LINS1: variants seen among roughly 807,000 people sequenced by gnomAD.
The protein encoded by LINS1 is lines homolog 1, also known as protein Lines homolog 1.
LINS1 carries 27 observed loss-of-function variants against 41.6 expected under a neutral mutation model. That is an observed-to-expected ratio of 0.65 (90% CI 0.48 to 0.89). The LOEUF (loss-of-function observed/expected upper bound fraction) is 0.89, where lower values mean the gene tolerates loss of function less well. Ranked by LOEUF, LINS1 falls within the 40% of genes least tolerant of loss-of-function variation. The pLI is 0.00. For missense variants in LINS1, 955 were observed against 884.1 expected (o/e 1.08, Z -1.02); for synonymous variants, 336 against 312.9 (o/e 1.07, Z -0.78).
At chr15:100,575,708 C>T (rs2141287014) in intron 3 of LINS1, among the ~76,000 whole-genome samples, 1 of 152,328 alleles carries the variant, frequency 6.6e-6, no homozygotes, top group East Asian at 1.9e-4. Context: ...CAACCCAAAT[C>T]AACAGAATAT....
intron 1 of LINS1, among the ~76,000 whole-genome samples, chr15:100,600,551 C>CAAAAGAAAAAAAAA (rs2039436932): frequency 1.3e-5 from 1 of 79,674 alleles, no homozygotes; most frequent in Admixed American, 1.2e-4. Context: ...TGCTGTTAAG[C>CAAAAGAAAAAAAAA]AAAAAAAAAA....
chr15:100,569,430 A>G lies in LINS1; in HGVS notation c.2082T>C (p.Asp694=). 6.2e-7 allele frequency: 1 copy of G among 1,614,196 alleles called. No individual in the cohort carries two copies. Among genetic ancestry groups the G allele is most frequent in the African/African-American group, 1.3e-5 (1 of 75,052 alleles). The change falls in exon 7 of 7, where the codon GAT becomes GAC. Residue 694 remains aspartate, a synonymous_variant. Transcript: ENST00000314742. ...CGACATCATTTGGGGCTACTTCACA[A>G]TCAAAGGAGAAGGCAGTATCAAATT... is the stretch of plus-strand genomic sequence containing the variant. ...LKEFDTAFSF[D]CEVAPNDVVS...
chr15:100,570,329 G>C (rs1330420466), intron 6 of LINS1: 3 of 447,696 alleles, frequency 6.7e-6, no homozygotes, highest in Non-Finnish European at 1.2e-5. Context: ...GACTTTGGCA[G>C]TTCTAGTTTT....
intron 6 of LINS1, among the ~76,000 whole-genome samples, 166 bp downstream of exon 6, chr15:100,571,728 C>A (rs149339981): frequency 6.6e-6 from 1 of 152,182 alleles, no homozygotes. Context: ...CCTAGCGATA[C>A]AAATGCAATC....
Position 100,570,360 on chromosome 15 carries a change from C to T in LINS1, c.1395-243G>A, listed in dbSNP as rs3764198. 346,346 of 409,510 alleles carry T rather than the reference C, an allele frequency of 0.85. 149,872 individuals are homozygous for T. Among genetic ancestry groups the T allele is most frequent in the Non-Finnish European group, 0.91 (206,586 of 228,140 alleles). 25.4% of individuals were successfully genotyped at this position (409,510 alleles called of 1,614,324 possible). ...GTTTTTGTCTGCCCAATAAAAGTTA[C>T]CTGTTGTTCTTTCTCTCGACATCAG... On this transcript the variant is annotated intron_variant, in intron 6 of 6. Coordinates refer to ENST00000314742, the MANE Select transcript of LINS1 (RefSeq NM_001040616.3).
chr15:100,581,939 T>C (rs1336721389), intron 1 of LINS1, among the ~76,000 whole-genome samples: 7 of 152,246 alleles, frequency 4.6e-5, no homozygotes, highest in Non-Finnish European at 8.8e-5. Flanking sequence ...ATAAAATCTT[T>C]GATACTTGGT....
In LINS1 at chr15:100,589,974, G is replaced by A. The variant is rs141902273; in HGVS notation, c.-103-9029C>T. ...CTTCTGAGAACATTGGAGAAAGATT[G>A]TCCTTGCCATCCACATTGCAGCAAA... is the stretch of plus-strand genomic sequence containing the variant. On this transcript the variant is annotated intron_variant, in intron 1 of 6. Coordinates refer to ENST00000314742, the MANE Select transcript of LINS1 (RefSeq NM_001040616.3). 3.9e-3 allele frequency among the ~76,000 whole-genome samples: 596 copies of A among 152,242 alleles called. 5 individuals are homozygous for A. The highest frequency in any genetic ancestry group is 0.01 in the Middle Eastern group (3 of 294).
intron 1 of LINS1, among the ~76,000 whole-genome samples, chr15:100,601,062 G>A (rs1014317525): frequency 6.6e-6 from 1 of 152,052 alleles, no homozygotes; most frequent in African/African-American, 2.4e-5. Context: ...GCATATTCTA[G>A]CATCAGAGGC....
rs1334361121 is a variant in LINS1 at position 100,569,375 on chromosome 15, C to CTATTCTGT, written c.2129_2136dup (p.Val713ThrfsTer3). 5 of 1,614,008 alleles carry CTATTCTGT rather than the reference C, an allele frequency of 3.1e-6. No individual in the cohort carries two copies. The East Asian group carries it at 8.9e-5, about 29-fold the overall frequency. ...TCTTGTAGTTCCTGGAAGCATTTTACTATTCTGTAAAATATTCCCACTTCA... is the reference window on the plus strand; with the variant it reads ...TCTTGTAGTTCCTGGAAGCATTTTACTATTCTGTTATTCTGTAAAATATTCCCACTTCA... On this transcript the variant is annotated frameshift_variant, in exon 7 of 7. Coordinates refer to ENST00000314742, the MANE Select transcript of LINS1 (RefSeq NM_001040616.3). LOFTEE classifies it low-confidence loss of function (END_TRUNC).
chr15:100,571,983 G>C lies in LINS1; in HGVS notation c.1305C>G (p.Cys435Trp). The C allele has an allele frequency of 6.2e-7, 1 of 1,614,216 alleles. No individual in the cohort carries two copies. Among genetic ancestry groups the C allele is most frequent in the South Asian group, 1.1e-5 (1 of 91,088 alleles). ...LQPSLQLHNP[C>W]KWLSRVFIEQ... ...CTATGAAAACCCGAGACAGCCATTTGCACGGATTGTGTAATTGCAGAGAGG... is the reference window on the plus strand; with the variant it reads ...CTATGAAAACCCGAGACAGCCATTTCCACGGATTGTGTAATTGCAGAGAGG... The change falls in exon 6 of 7, where the codon TGC becomes TGG. Residue 435 changes from cysteine to tryptophan, a missense_variant. Coordinates refer to ENST00000314742, the MANE Select transcript of LINS1 (RefSeq NM_001040616.3).
In LINS1 at chr15:100,580,600, C is replaced by T; in HGVS notation, c.243G>A (p.Gln81=). The change falls in exon 2 of 7, where the codon CAG becomes CAA. Residue 81 remains glutamine (Q), a synonymous_variant. Transcript: ENST00000314742. ...VAPVCLKTNS[Q]MSGSREVMLL... ...GCATTACTTCTCTGGAACCGCTCATCTGAGAGTTGGTCTTCAAACACACAG... is the reference window on the plus strand; with the variant it reads ...GCATTACTTCTCTGGAACCGCTCATTTGAGAGTTGGTCTTCAAACACACAG... 1.2e-6 allele frequency: 2 copies of T among 1,614,038 alleles called. No homozygotes were observed. Among genetic ancestry groups the T allele is most frequent in the Non-Finnish European group, 1.7e-6 (2 of 1,179,960 alleles).
intron 5 of LINS1, chr15:100,572,856 A>G: frequency 1.3e-6 from 1 of 787,104 alleles, no homozygotes; most frequent in East Asian, 1.2e-4. Flanking sequence ...TTAATTCAAT[A>G]TCTAATTTTC....
intron 1 of LINS1, among the ~76,000 whole-genome samples, chr15:100,581,533 T>C (rs1035903946): frequency 3.3e-5 from 5 of 152,228 alleles, no homozygotes; most frequent in Admixed American, 1.3e-4. Context: ...CTATTGCCAA[T>C]GAAATTCCAA....
chr15:100,570,886 CCT>C (rs1288456428), intron 6 of LINS1, among the ~76,000 whole-genome samples: 2 of 152,140 alleles, frequency 1.3e-5, no homozygotes, highest in Admixed American at 6.5e-5. Flanking sequence ...TAAGCACATG[CCT>C]CTCTGGACAC....
chr15:100,581,584 T>C (rs1269326087), intron 1 of LINS1, among the ~76,000 whole-genome samples: 2 of 152,180 alleles, frequency 1.3e-5, no homozygotes, highest in Non-Finnish European at 2.9e-5. Flanking sequence ...GTAGTTACTA[T>C]AGAGGGAGTA....
At chr15:100,589,679 T>G (rs1596953594) in intron 1 of LINS1, among the ~76,000 whole-genome samples, 1 of 152,320 alleles carries the variant, frequency 6.6e-6, no homozygotes, top group South Asian at 2.1e-4. Context: ...ACTGAAATAC[T>G]TTATAGCCAA....
intron 3 of LINS1, among the ~76,000 whole-genome samples, chr15:100,577,138 A>C (rs1163265779): frequency 6.6e-6 from 1 of 152,240 alleles, no homozygotes; most frequent in Non-Finnish European, 1.5e-5. Context: ...GCCCTCTTTC[A>C]CCACTCCTAT....
intron 1 of LINS1, among the ~76,000 whole-genome samples, chr15:100,588,990 G>A (rs1180824152): frequency 1.3e-5 from 2 of 152,160 alleles, no homozygotes; most frequent in South Asian, 2.1e-4. Flanking sequence ...GGTAGGGCCC[G>A]GGACACATGG....
chr15:100,572,183 T>C, intron 5 of LINS1, 118 bp from the exon 6 acceptor site: 6 of 1,522,052 alleles, frequency 3.9e-6, no homozygotes, highest in Non-Finnish European at 5.3e-6. Context: ...CTAATTCACT[T>C]TCAAAAAGTC....
Sources: allele counts gnomAD v4.1 joint callset (sites outside exome capture counted in the v4.1 genomes callset), GRCh38; gene constraint gnomAD v4.1.1; transcripts MANE v1.5; gene names NCBI Gene and HGNC (gene_info 2026-07-23, HGNC 2026-07-21).